The following IFT80 variants were observed in gnomAD, a reference collection of about 807,000 sequenced individuals.
IFT80 encodes intraflagellar transport 80.
IFT80 carries 79 observed loss-of-function variants against 107.9 expected under a neutral mutation model. The observed-to-expected ratio is 0.73, with a 90% CI of 0.61 to 0.88. The LOEUF (loss-of-function observed/expected upper bound fraction) is 0.88. Ranked by LOEUF, IFT80 falls within the 40% of genes least tolerant of loss-of-function variation. The pLI is 0.00. For missense variants in IFT80, 797 were observed against 914.2 expected (o/e 0.87, Z 1.65); for synonymous variants, 299 against 300.9 (o/e 0.99, Z 0.07).
At chr3:160,391,688 A>G (rs535274323) in intron 1 of IFT80, 1 of 152,302 alleles carries the variant, frequency 6.6e-6, no homozygotes, top group South Asian at 2.1e-4. Flanking sequence ...AAGTTATATA[A>G]AATCACAGCA....
At chr3:160,372,459 A>G (rs2108388616) in intron 5 of IFT80, among the ~76,000 whole-genome samples, 1 of 152,330 alleles carries the variant, frequency 6.6e-6, no homozygotes, top group Admixed American at 6.5e-5. Flanking sequence ...CTGTCATTAT[A>G]ACAACTTAAC....
chr3:160,274,775 C>T (rs1714112105), intron 18 of IFT80, among the ~76,000 whole-genome samples: 1 of 152,168 alleles, frequency 6.6e-6, no homozygotes, highest in Non-Finnish European at 1.5e-5. Flanking sequence ...CCCGTCTCTA[C>T]TACAAGTACA....
At chr3:160,288,650 A>T (rs973764185) in intron 12 of IFT80, among the ~76,000 whole-genome samples, 2 of 152,170 alleles carry the variant, frequency 1.3e-5, no homozygotes. Flanking sequence ...AAGAAAAAAA[A>T]CACTAAAAAC....
Position 160,277,552 on chromosome 3 carries a change from G to A in IFT80, c.1926+29C>T, listed in dbSNP as rs544152389. ...TAAATTACGCTAAGAAAAAACACATGTACATATATGTAAACATTAATTACT... is the reference window on the plus strand; with the variant it reads ...TAAATTACGCTAAGAAAAAACACATATACATATATGTAAACATTAATTACT... On this transcript the variant is annotated intron_variant, in intron 17 of 19. Coordinates refer to ENST00000326448, the MANE Select transcript of IFT80 (RefSeq NM_020800.3). The A allele has an allele frequency of 6.7e-5, 106 of 1,576,504 alleles. 2 individuals are homozygous for A. The highest frequency in any genetic ancestry group is 5.8e-4 in the South Asian group (52 of 90,308).
At chr3:160,261,873 G>T (rs1261301157) in intron 19 of IFT80, among the ~76,000 whole-genome samples, 1 of 151,890 alleles carries the variant, frequency 6.6e-6, no homozygotes, top group Non-Finnish European at 1.5e-5. Context: ...GAAGGGCATG[G>T]TGACATGCAG....
At chr3:160,379,873 TACC>T (rs758644366) in intron 3 of IFT80, among the ~76,000 whole-genome samples, 5 of 152,114 alleles carry the variant, frequency 3.3e-5, no homozygotes, top group African/African-American at 9.7e-5. Flanking sequence ...TTTAAAAAAC[TACC>T]ACAAGTCTCT....
chr3:160,282,441 G>A lies in IFT80; in HGVS notation c.1516+37C>T, dbSNP rs115905962. ...TTATTACAGCAAATATAAGAAAGTT[G>A]ACAATTAAAACTTAAAATGTATTAA... On this transcript the variant is annotated intron_variant, in intron 14 of 19. Transcript: ENST00000326448. The A allele has an allele frequency of 3.8e-3, 5,093 of 1,334,848 alleles. 94 individuals carry two copies. In the African/African-American group the frequency reaches 0.045, roughly 12 times the overall value. 82.7% of individuals were successfully genotyped at this position (1,334,848 alleles called of 1,614,324 possible).
intron 6 of IFT80, among the ~76,000 whole-genome samples, chr3:160,357,868 G>A (rs114649768): frequency 0.01 from 1,573 of 152,274 alleles, 27 homozygotes; most frequent in Admixed American, 0.013. Flanking sequence ...ACTATTTCAA[G>A]CCGGACATTT....
rs75934477 is a variant in IFT80 at position 160,289,247 on chromosome 3, A to G, written c.1316-3379T>C. On this transcript the variant is annotated intron_variant, in intron 12 of 19. Transcript: ENST00000326448. ...CCACATGTTCACACTTATAAGTGGG[A>G]GCTAAATAATGAGAACTCATGGACA... Among the ~76,000 whole-genome samples, 646 of 152,316 alleles carry G rather than the reference A, an allele frequency of 4.2e-3. 1 individual carries two copies. The highest frequency in any genetic ancestry group is 0.011 in the African/African-American group (446 of 41,568).
At chr3:160,319,705 C>T (rs1002121927) in intron 9 of IFT80, 55 bp downstream of exon 9, 1 of 1,329,500 alleles carries the variant, frequency 7.5e-7, no homozygotes, top group Non-Finnish European at 1.1e-6. Context: ...ATATTCTGTA[C>T]AGTTAACTAA....
intron 8 of IFT80, among the ~76,000 whole-genome samples, chr3:160,341,979 A>T (rs62272190): frequency 0.045 from 6,911 of 152,230 alleles, 220 homozygotes; most frequent in Middle Eastern, 0.078. Context: ...TCATAAGATC[A>T]GCCACACTTC....
intron 1 of IFT80, among the ~76,000 whole-genome samples, chr3:160,394,986 A>C (rs1351753975): frequency 6.6e-6 from 1 of 152,204 alleles, no homozygotes; most frequent in African/African-American, 2.4e-5. Flanking sequence ...CACTGGGATG[A>C]GAAGGAAAGC....
chr3:160,342,210 G>A (rs1341288976), intron 8 of IFT80, among the ~76,000 whole-genome samples: 6 of 152,166 alleles, frequency 3.9e-5, no homozygotes, highest in African/African-American at 1.4e-4. Context: ...TTTTGTAGAT[G>A]AGAAATGTAA....
Position 160,319,955 on chromosome 3 carries a change from C to T in IFT80, c.778-16G>A, listed in dbSNP as rs201567670. 22 of 1,603,332 alleles carry T rather than the reference C, an allele frequency of 1.4e-5. No individual in the cohort carries two copies. In the East Asian group the frequency reaches 4.3e-4, roughly 31 times the overall value. ...CATATGACCACTGGGGGAGAAAAAA[C>T]AAGAAAAAGATGGACTTACTGAAAA... On this transcript the variant is annotated splice_polypyrimidine_tract_variant and intron_variant, in intron 8 of 19. Transcript: ENST00000326448.
At chr3:160,316,942 A>G (rs984540964) in intron 9 of IFT80, among the ~76,000 whole-genome samples, 1 of 152,166 alleles carries the variant, frequency 6.6e-6, no homozygotes, top group Admixed American at 6.6e-5. Flanking sequence ...GCATTATTTA[A>G]GCCTCTGAAC....
At chr3:160,380,909 T>C (rs1021571817) in intron 3 of IFT80, among the ~76,000 whole-genome samples, 13 of 151,986 alleles carry the variant, frequency 8.6e-5, no homozygotes, top group African/African-American at 2.9e-4. Flanking sequence ...AAAACTATGA[T>C]AACAGCTTAA....
intron 8 of IFT80, among the ~76,000 whole-genome samples, chr3:160,322,728 C>T (rs1396947488): frequency 6.6e-6 from 1 of 152,124 alleles, no homozygotes; most frequent in Non-Finnish European, 1.5e-5. Flanking sequence ...GATTGCCATT[C>T]TAACTGGTGT....
intron 18 of IFT80, among the ~76,000 whole-genome samples, chr3:160,270,236 A>C (rs1713692751): frequency 6.6e-6 from 1 of 152,208 alleles, no homozygotes; most frequent in African/African-American, 2.4e-5. Flanking sequence ...CCTGACCTCA[A>C]GTGATCTGCC....
chr3:160,286,608 G>T (rs1715111145), intron 12 of IFT80, among the ~76,000 whole-genome samples: 1 of 152,164 alleles, frequency 6.6e-6, no homozygotes, highest in Non-Finnish European at 1.5e-5. Context: ...GGACCAGAGG[G>T]AATTGTTGTC....
Sources: gnomAD v4.1 joint callset for allele counts (sites outside exome capture counted in the v4.1 genomes callset) on GRCh38, gnomAD v4.1.1 for gene constraint, MANE v1.5 for transcripts, NCBI Gene and HGNC (gene_info 2026-07-23, HGNC 2026-07-21) for gene names.